SPON2: variants seen among roughly 807,000 people sequenced by gnomAD.
The protein encoded by SPON2 is spondin-2.
In SPON2, 32 loss-of-function variants were observed where a neutral mutation model predicts 29.9. That is an observed-to-expected ratio of 1.07 (90% CI 0.81 to 1.44). The LOEUF is 1.44. SPON2 is among the 40% of genes most tolerant of loss of function. The probability of loss-of-function intolerance (pLI) is 0.00; values close to 1 mark genes in which losing one functional copy is unlikely to be tolerated. For missense variants in SPON2, 541 were observed against 455.5 expected, an observed-to-expected ratio of 1.19 and a Z score of -1.71; for synonymous variants, 248 against 209.1, an observed-to-expected ratio of 1.19 and a Z score of -1.61.
chr4:1,197,638 A>G (rs868044321), upstream of SPON2, among the ~76,000 whole-genome samples: 22 of 151,588 alleles, frequency 1.5e-4, no homozygotes, highest in Middle Eastern at 0.01. Context: ...AGGGAGAATT[A>G]TGAAGATAAA....
intron 1 of SPON2, among the ~76,000 whole-genome samples, chr4:1,184,920 G>A (rs1312926960): frequency 7.1e-6 from 1 of 140,282 alleles, no homozygotes; most frequent in Non-Finnish European, 1.5e-5. Flanking sequence ...TTGGGCGACA[G>A]TGCAAGACTC....
upstream of SPON2, chr4:1,208,740 G>A (rs1728411293): frequency 6.6e-6 from 1 of 152,290 alleles, no homozygotes; most frequent in Admixed American, 6.5e-5. Flanking sequence ...TCCGAGCTCA[G>A]GGGCCGTCCA....
chr4:1,200,267 C>A (rs946337096), intron 1 of SPON2, among the ~76,000 whole-genome samples: 2 of 152,208 alleles, frequency 1.3e-5, no homozygotes, highest in Non-Finnish European at 2.9e-5. Context: ...TCACTCAACA[C>A]CCCCAGAGAC....
intron 4 of SPON2, 139 bp downstream of exon 4, chr4:1,170,860 G>A: frequency 1.6e-6 from 2 of 1,243,292 alleles, no homozygotes; most frequent in Non-Finnish European, 2.3e-6. Flanking sequence ...CTCACTGCTG[G>A]CGCTAGAAGC....
intron 1 of SPON2, among the ~76,000 whole-genome samples, chr4:1,204,101 A>T (rs772657758): frequency 5.3e-5 from 8 of 152,084 alleles, no homozygotes; most frequent in Non-Finnish European, 7.4e-5. Context: ...CAAACTCCTG[A>T]CCTCAAATGG....
intron 1 of SPON2, chr4:1,194,964 T>TC (rs1443564403): frequency 8.0e-5 from 10 of 125,510 alleles, no homozygotes; most frequent in African/African-American, 3.2e-4. Context: ...AGCCGGCGAC[T>TC]CCAACCCCGC....
chr4:1,174,506 AAAAAC>A (rs1727552683), upstream of SPON2, among the ~76,000 whole-genome samples: 10 of 150,020 alleles, frequency 6.7e-5, no homozygotes, highest in South Asian at 2.1e-4. Flanking sequence ...AAAAAAACAA[AAAAAC>A]AAAAAACAAA....
At chr4:1,203,651 C>T (rs758263304) in intron 1 of SPON2, among the ~76,000 whole-genome samples, 2 of 152,086 alleles carry the variant, frequency 1.3e-5, no homozygotes, top group Non-Finnish European at 2.9e-5. Flanking sequence ...ACATGGAATT[C>T]GGCTTCACAC....
intron 2 of SPON2, 148 bp downstream of exon 2, chr4:1,171,704 C>T: frequency 2.5e-6 from 2 of 785,784 alleles, no homozygotes; most frequent in South Asian, 3.3e-5. Context: ...GAACCGCACA[C>T]CGCAGGCGCT....
In SPON2 at chr4:1,167,431, C is replaced by G. The variant is rs1577894300; in HGVS notation, c.*41G>C. The stretch of plus-strand genomic sequence containing the variant: ...AGCCTGCACAGGAGCCCCCGACACC[C>G]CATGGCTCCGGGGGGCCCCAGGGGC... On this transcript the variant is annotated 3_prime_UTR_variant, in exon 6 of 6. Transcript: ENST00000290902. The G allele has an allele frequency of 1.3e-6, 2 of 1,586,202 alleles. No homozygotes were observed. Among genetic ancestry groups the G allele is most frequent in the Middle Eastern group, 1.9e-4 (1 of 5,198 alleles).
intron 5 of SPON2, among the ~76,000 whole-genome samples, chr4:1,169,069 A>G (rs888114874): frequency 2.0e-5 from 3 of 151,868 alleles, no homozygotes; most frequent in African/African-American, 4.8e-5. Context: ...CAGAGCTCAT[A>G]GCACAGTCTC....
upstream of SPON2, chr4:1,199,106 A>T (rs1332264778): frequency 6.6e-6 from 1 of 152,250 alleles, no homozygotes; most frequent in East Asian, 1.9e-4. The surrounding 1 kb of genome is among the most constrained non-coding windows in gnomAD (Gnocchi z 4.5). Context: ...TCATTTAAAA[A>T]TTAAAAATCA....
Position 1,172,016 on chromosome 4 carries a change from A to G in SPON2, c.56T>C (p.Leu19Pro). 6.2e-7 allele frequency: 1 copy of G among 1,612,474 alleles called. No individual in the cohort carries two copies. The highest frequency in any genetic ancestry group is 8.5e-7 in the Non-Finnish European group (1 of 1,179,646). ...CTGGCCGGCGGCGCCGAGAGTGGCC[A>G]GGAGGAGAGCGCAGAGGGCCTTGCC... is the stretch of plus-strand genomic sequence containing the variant. Reference protein sequence around the residue: ...ALGKALCALLLATLGAAGQPL... With the variant: ...ALGKALCALLPATLGAAGQPL... The change falls in exon 2 of 6, where the codon CTG becomes CCG. Residue 19 changes from leucine (L) to proline (P), a missense_variant. By Grantham distance (98) the Leu-to-Pro change is moderately conservative (BLOSUM62 -3). Transcript: ENST00000290902.
upstream of SPON2, among the ~76,000 whole-genome samples, chr4:1,174,497 A>G (rs1185728295): frequency 6.7e-6 from 1 of 149,858 alleles, no homozygotes; most frequent in Non-Finnish European, 1.5e-5. Flanking sequence ...AAAAAAAAAA[A>G]AAAAACAAAA....
At chr4:1,167,969 G>A in intron 5 of SPON2, 1 of 316,476 alleles carries the variant, frequency 3.2e-6, no homozygotes, top group Non-Finnish European at 5.8e-6. Flanking sequence ...TGGGAACCCC[G>A]GGAGAGGGCG....
chr4:1,203,280 C>G (rs771324548), intron 1 of SPON2, among the ~76,000 whole-genome samples: 1 of 152,214 alleles, frequency 6.6e-6, no homozygotes, highest in African/African-American at 2.4e-5. Context: ...CCCCCAGCCC[C>G]GGGCAGCTGG....
rs1319247357 is a variant in SPON2 at position 1,171,127 on chromosome 4, G to C, written c.508C>G (p.Leu170Val). 3 of 1,553,670 alleles carry C rather than the reference G, an allele frequency of 1.9e-6. No individual in the cohort carries two copies. The highest frequency in any genetic ancestry group is 2.4e-5 in the South Asian group (2 of 84,326). Residue 170 changes from leucine to valine, a missense_variant, in exon 4 of 6, where the codon CTG becomes GTG. By Grantham distance (32) the Leu-to-Val change is conservative (BLOSUM62 1). Coordinates refer to ENST00000290902, the MANE Select transcript of SPON2 (RefSeq NM_012445.4). ...TCCCGCCAACGGTCCCCGTCGCACA[G>C]GTCCAGGCTGTCCACGCCCACGAAC... ...DWFVGVDSLD[L>V]CDGDRWREQA... is the part of the protein sequence containing the mutation.
At chr4:1,190,229 T>G (rs1445701996) in intron 1 of SPON2, among the ~76,000 whole-genome samples, 1 of 149,228 alleles carries the variant, frequency 6.7e-6, no homozygotes, top group East Asian at 2.0e-4. Context: ...AACTGACTCA[T>G]GAAGACATAC....
intron 1 of SPON2, among the ~76,000 whole-genome samples, chr4:1,188,202 CAAAA>C (rs1164276990): frequency 8.2e-5 from 3 of 36,582 alleles, no homozygotes; most frequent in Non-Finnish European, 1.6e-4. Context: ...GACTCCGTCT[CAAAA>C]AAAAAAAAAA....
Sources: gnomAD v4.1 joint callset for allele counts (sites outside exome capture counted in the v4.1 genomes callset) on GRCh38, gnomAD v4.1.1 for gene constraint, Gnocchi (gnomAD v3.1) non-coding constraint, MANE v1.5 for transcripts, NCBI Gene and HGNC (gene_info 2026-07-23, HGNC 2026-07-21) for gene names.